APOBEC1: variants seen among roughly 807,000 people sequenced by gnomAD.
The protein encoded by APOBEC1 is apolipoprotein B mRNA editing enzyme catalytic subunit 1.
Under a neutral mutation model 26.3 loss-of-function variants are expected in APOBEC1, and 22 were observed. The ratio of observed to expected loss-of-function variants is 0.84; its 90% CI spans 0.60 to 1.19. The LOEUF is 1.19. Ranked by LOEUF, APOBEC1 falls within the 50% of genes most tolerant of loss-of-function variation. The probability of loss-of-function intolerance (pLI) is 0.00; values close to 1 mark genes in which losing one functional copy is unlikely to be tolerated. For synonymous variants in APOBEC1, 77 were observed against 95.3 expected (o/e 0.81, Z 1.12); for missense variants, 253 against 289.0 (o/e 0.88, Z 0.90).
At chr12:7,654,372 C>CT (rs373055650) in intron 2 of APOBEC1, among the ~76,000 whole-genome samples, 89,460 of 136,408 alleles carry the variant, frequency 0.66, 30,149 homozygotes, top group East Asian at 0.79. Flanking sequence ...TCCACAGTTC[C>CT]TTTTTTTTTT....
At chr12:7,664,900 TAAAAAAA>T (rs397850472) in intron 1 of APOBEC1, among the ~76,000 whole-genome samples, 1 of 135,248 alleles carries the variant, frequency 7.4e-6, no homozygotes, top group Non-Finnish European at 1.6e-5. Flanking sequence ...GGGCGAGTCT[TAAAAAAA>T]AAAAAAAAAA....
At chr12:7,660,360 G>A (rs1565442324) in intron 1 of APOBEC1, among the ~76,000 whole-genome samples, 2 of 30,400 alleles carry the variant, frequency 6.6e-5, no homozygotes, top group Admixed American at 2.7e-4. Context: ...AGGAAGGAAG[G>A]AAGGAAGGAA....
chr12:7,668,349 T>C (rs934805360), upstream of APOBEC1, among the ~76,000 whole-genome samples: 2 of 152,140 alleles, frequency 1.3e-5, no homozygotes, highest in Admixed American at 6.6e-5. Context: ...ACAATGTGTG[T>C]CGTTTTATAC....
chr12:7,657,557 C>G (rs1863733453), intron 1 of APOBEC1, among the ~76,000 whole-genome samples: 1 of 135,232 alleles, frequency 7.4e-6, no homozygotes, highest in Non-Finnish European at 1.6e-5. Context: ...TAAAAACAAT[C>G]AATAACAACA....
chr12:7,664,492 C>A (rs752693435), intron 1 of APOBEC1, among the ~76,000 whole-genome samples: 1 of 152,298 alleles, frequency 6.6e-6, no homozygotes, highest in Admixed American at 6.5e-5. Context: ...AAATTGTTTA[C>A]ATAAATTTTT....
At chr12:7,660,366 AGG>A (rs1863792768) in intron 1 of APOBEC1, among the ~76,000 whole-genome samples, 3 of 97,194 alleles carry the variant, frequency 3.1e-5, no homozygotes, top group Admixed American at 2.0e-4. Context: ...GAAGGAAGGA[AGG>A]AAGGAAGGAA....
chr12:7,664,751 CAA>C (rs1484844900), intron 1 of APOBEC1, among the ~76,000 whole-genome samples: 2 of 150,808 alleles, frequency 1.3e-5, no homozygotes, highest in Non-Finnish European at 3.0e-5. Context: ...CTCATCTCTA[CAA>C]AAAAATTAGC....
intron 2 of APOBEC1, 30 bp from the exon 3 acceptor site, chr12:7,652,865 A>G: frequency 6.5e-7 from 1 of 1,527,776 alleles, no homozygotes; most frequent in Non-Finnish European, 8.7e-7. Flanking sequence ...CCACACTGTC[A>G]TGCCACATTT....
rs200869333 is a variant in APOBEC1, at chr12:7,660,417, G to GA, written c.16+5439_16+5440insT. Among the ~76,000 whole-genome samples, 287 of 67,518 alleles carry GA rather than the reference G, an allele frequency of 4.3e-3. 7 individuals are homozygous for GA. The highest frequency in any genetic ancestry group is 0.013 in the African/African-American group (248 of 18,990). The allele number at this position is 67,518 out of a possible 152,430, so 44.3% of individuals were successfully genotyped here. Reference sequence around the variant, plus strand: ...GAAAGAAAGAAAGAAAGAAAGAGAGGGTATTTGGGCCAGGGACAGTGGCTC... The same window carrying GA: ...GAAAGAAAGAAAGAAAGAAAGAGAGGAGTATTTGGGCCAGGGACAGTGGCTC... On this transcript the variant is annotated intron_variant, in intron 1 of 4. Transcript: ENST00000229304.
At chr12:7,660,043 C>T (rs1257851012) in intron 1 of APOBEC1, among the ~76,000 whole-genome samples, 2 of 151,752 alleles carry the variant, frequency 1.3e-5, no homozygotes, top group Admixed American at 6.6e-5. Flanking sequence ...CGGTGGCTCA[C>T]GCCTGTAATC....
chr12:7,652,557 G>C lies in APOBEC1; in HGVS notation c.323C>G (p.Pro108Arg). The change falls in exon 3 of 5, where the codon CCT (proline) becomes CGT (arginine). Residue 108 changes from proline (P) to arginine (R), a missense_variant. Coordinates refer to ENST00000229304, the MANE Select transcript of APOBEC1 (RefSeq NM_001644.5). ...QAIREFLSRH[P>R]GVTLVIYVAR... is the part of the protein sequence containing the mutation. Reference sequence around the variant, plus strand: ...TACGTAGATCACTAGAGTCACACCAGGGTGCCGACTCAGAAACTCTCTAAT... The same window carrying C: ...TACGTAGATCACTAGAGTCACACCACGGTGCCGACTCAGAAACTCTCTAAT... 1 of 1,614,210 alleles carries C rather than the reference G, an allele frequency of 6.2e-7. No homozygotes were observed. Among genetic ancestry groups the C allele is most frequent in the Non-Finnish European group, 8.5e-7 (1 of 1,180,038 alleles).
intron 3 of APOBEC1, among the ~76,000 whole-genome samples, chr12:7,652,150 G>T (rs1592057005): frequency 6.6e-6 from 1 of 152,078 alleles, no homozygotes; most frequent in Middle Eastern, 3.2e-3. Flanking sequence ...TAGAGATGGG[G>T]TCTCACTATG....
intron 1 of APOBEC1, among the ~76,000 whole-genome samples, chr12:7,661,938 C>T (rs767216505): frequency 1.3e-5 from 2 of 152,300 alleles, no homozygotes; most frequent in Admixed American, 1.3e-4. Flanking sequence ...TTATCTTGAT[C>T]TCTCCCTTAG....
intron 3 of APOBEC1, among the ~76,000 whole-genome samples, chr12:7,651,936 T>C (rs1355108122): frequency 9.9e-5 from 15 of 152,040 alleles, no homozygotes; most frequent in Admixed American, 9.8e-4. Flanking sequence ...TTCTCCTGCC[T>C]CAGCCTCCCG....
intron 1 of APOBEC1, among the ~76,000 whole-genome samples, chr12:7,660,175 C>T (rs904413687): frequency 6.6e-6 from 1 of 150,476 alleles, no homozygotes; most frequent in African/African-American, 2.4e-5. Flanking sequence ...TGGTGGCAGG[C>T]ACCTGTAATC....
intron 2 of APOBEC1, among the ~76,000 whole-genome samples, 175 bp from the exon 3 acceptor site, chr12:7,653,010 A>C (rs780974536): frequency 6.6e-6 from 1 of 151,644 alleles, no homozygotes; most frequent in Non-Finnish European, 1.5e-5. Context: ...GCTCACCACA[A>C]CCTCCACCTC....
At chr12:7,652,311 A>T in intron 3 of APOBEC1, 127 bp downstream of exon 3, 1 of 818,348 alleles carries the variant, frequency 1.2e-6, no homozygotes, top group Non-Finnish European at 1.8e-6. Flanking sequence ...CTAGTCCTTT[A>T]TGACATTATT....
chr12:7,667,044 A>T (rs1011923860), upstream of APOBEC1, among the ~76,000 whole-genome samples: 3 of 151,548 alleles, frequency 2.0e-5, no homozygotes, highest in African/African-American at 7.3e-5. Context: ...CCCAAGTAGC[A>T]GGGATTACAG....
chr12:7,650,943 GA>G (rs1207828521), intron 4 of APOBEC1, 79 bp downstream of exon 4: 2 of 977,458 alleles, frequency 2.0e-6, no homozygotes, highest in South Asian at 2.9e-5. Context: ...AAGAAGATAT[GA>G]GTCAAATTTT....
Sources: gnomAD v4.1 joint callset for allele counts (sites outside exome capture counted in the v4.1 genomes callset) on GRCh38, gnomAD v4.1.1 for gene constraint, MANE v1.5 for transcripts, NCBI Gene and HGNC (gene_info 2026-07-23, HGNC 2026-07-21) for gene names.